The following RAPGEF1 variants were observed in gnomAD, a reference collection of about 807,000 sequenced individuals.
The protein encoded by RAPGEF1 is Rap guanine nucleotide exchange factor 1.
In RAPGEF1, 33 loss-of-function variants were observed where a neutral mutation model predicts 143.3. That is an observed-to-expected ratio of 0.23 (90% CI 0.17 to 0.31). RAPGEF1 has a LOEUF of 0.31. RAPGEF1 is among the 10% of genes least tolerant of loss of function. The pLI is 1.00. For missense variants in RAPGEF1, 1,199 were observed against 1,645.4 expected (o/e 0.73, Z 4.69); for synonymous variants, 629 against 676.5 (o/e 0.93, Z 1.09).
intron 1 of RAPGEF1, among the ~76,000 whole-genome samples, chr9:131,657,689 GC>G (rs1215283231): frequency 6.6e-6 from 1 of 152,142 alleles, no homozygotes; most frequent in Non-Finnish European, 1.5e-5. Context: ...TGTGTAAACA[GC>G]CCCTGGGGCT....
At chr9:131,615,551 C>A (rs756379461) in intron 12 of RAPGEF1, among the ~76,000 whole-genome samples, 2 of 152,166 alleles carry the variant, frequency 1.3e-5, no homozygotes, top group African/African-American at 4.8e-5. Flanking sequence ...AGCAAACAGT[C>A]GAGTCCAGGC....
rs1837009571 is a variant in RAPGEF1 at position 131,730,714 on chromosome 9, A to AAAAAAAAAAAAC, written c.61+9055_61+9056insGTTTTTTTTTTT. Among the ~76,000 whole-genome samples, 2 of 149,768 alleles carry AAAAAAAAAAAAC rather than the reference A, an allele frequency of 1.3e-5. 1 individual carries two copies. Among genetic ancestry groups the AAAAAAAAAAAAC allele is most frequent in the Non-Finnish European group, 3.0e-5 (2 of 67,442 alleles). On this transcript the variant is annotated intron_variant, in intron 1 of 26. Transcript: ENST00000683357. ...CTCCATCTCAAAAAAAAAAAAAAAA[A>AAAAAAAAAAAAC]AAAAGAAGAAGAACCAGCATTAGAA...
At position 131,621,916 on chromosome 9, in the gene RAPGEF1, G is replaced by C. The variant is rs754794549; in HGVS notation, c.1785C>G (p.Ile595Met). Residue 595 changes from isoleucine (I) to methionine (M), a missense_variant, in exon 11 of 27, where the codon ATC becomes ATG. This residue lies in a region of RAPGEF1 where 293 missense variants were observed against 356.2 expected (regional missense o/e 0.82). Coordinates refer to ENST00000683357, the MANE Select transcript of RAPGEF1 (RefSeq NM_001377935.1). The surrounding 1 kb of genome is among the most constrained non-coding windows in gnomAD (Gnocchi z 4.5). ...MFYQTPQNEHIYQQKNKLLME... is the reference protein window; with the variant it reads ...MFYQTPQNEHMYQQKNKLLME... ...TGAGGAGCTTGTTCTTCTGCTGGTA[G>C]ATGTGCTCGTTCTGTGGCGTCTGGT... 6.2e-7 allele frequency: 1 copy of C among 1,613,790 alleles called. No homozygotes were observed. Among genetic ancestry groups the C allele is most frequent in the East Asian group, 2.2e-5 (1 of 44,876 alleles).
At chr9:131,700,472 T>G (rs965378738) in intron 1 of RAPGEF1, among the ~76,000 whole-genome samples, 24 of 152,182 alleles carry the variant, frequency 1.6e-4, no homozygotes, top group Non-Finnish European at 2.9e-5. Context: ...ATATGTAAAC[T>G]AAAAACTCCA....
chr9:131,697,661 C>A (rs911022477), intron 1 of RAPGEF1, among the ~76,000 whole-genome samples: 4 of 152,208 alleles, frequency 2.6e-5, no homozygotes, highest in Admixed American at 2.0e-4. Context: ...GGAGATGGCT[C>A]AAAGTGTCCA....
chr9:131,621,183 C>G lies in RAPGEF1; in HGVS notation c.1905+613G>C. Reference sequence around the variant, plus strand: ...GGGGTGCCCACGGTGGAACAGCTTGCCTTCTGTGCTGGCCCGTGCTTCCTT... The same window carrying G: ...GGGGTGCCCACGGTGGAACAGCTTGGCTTCTGTGCTGGCCCGTGCTTCCTT... On this transcript the variant is annotated intron_variant, in intron 11 of 26. Transcript: ENST00000683357. This position sits in a 1 kb window ranked among gnomAD's most constrained non-coding sequence, Gnocchi z 4.5. Among the ~76,000 whole-genome samples, 1 of 152,260 alleles carries G rather than the reference C, an allele frequency of 6.6e-6. No individual in the cohort carries two copies. Among genetic ancestry groups the G allele is most frequent in the Non-Finnish European group, 1.5e-5 (1 of 68,044 alleles).
In RAPGEF1 at chr9:131,626,238, G is replaced by T; in HGVS notation, c.1386C>A (p.Ala462=). 6.2e-7 allele frequency: 1 copy of T among 1,613,964 alleles called. No homozygotes were observed. The highest frequency in any genetic ancestry group is 1.1e-5 in the South Asian group (1 of 91,084). The change falls in exon 10 of 27, where the codon GCC becomes GCA. Residue 462 remains alanine (A), a synonymous_variant. Coordinates refer to ENST00000683357, the MANE Select transcript of RAPGEF1 (RefSeq NM_001377935.1). ...GGHPQPDGPL[A]PGQQTDTPPA... is the part of the protein sequence containing the mutation. ...GTGGCGTATCTGTCTGCTGCCCTGG[G>T]GCCAGAGGTCCGTCTGGCTGGGGAT...
At chr9:131,695,065 A>G (rs1001543141) in intron 1 of RAPGEF1, among the ~76,000 whole-genome samples, 1 of 148,228 alleles carries the variant, frequency 6.7e-6, no homozygotes, top group African/African-American at 2.5e-5. Flanking sequence ...TTGACTGTCT[A>G]TTGTGTATTT....
At chr9:131,734,251 C>A (rs1051805126) in intron 1 of RAPGEF1, among the ~76,000 whole-genome samples, 2 of 152,170 alleles carry the variant, frequency 1.3e-5, no homozygotes, top group Non-Finnish European at 2.9e-5. Context: ...CAGGGCATGA[C>A]CTTGGGCAAA....
At chr9:131,684,321 A>C (rs1386097346) in intron 1 of RAPGEF1, among the ~76,000 whole-genome samples, 1 of 152,216 alleles carries the variant, frequency 6.6e-6, no homozygotes, top group Non-Finnish European at 1.5e-5. Flanking sequence ...TGCCTGTGTT[A>C]AACATCACCT....
intron 1 of RAPGEF1, among the ~76,000 whole-genome samples, chr9:131,661,801 G>C (rs1184041232): frequency 6.6e-6 from 1 of 152,116 alleles, no homozygotes; most frequent in East Asian, 1.9e-4. Flanking sequence ...GACTATCTCA[G>C]GAAGAGCCTG....
At chr9:131,729,208 G>T (rs1038709907) in intron 1 of RAPGEF1, among the ~76,000 whole-genome samples, 4 of 152,190 alleles carry the variant, frequency 2.6e-5, no homozygotes, top group African/African-American at 7.2e-5. Flanking sequence ...GAGGGTGTGA[G>T]AGCCAAGATC....
chr9:131,739,728 C>A, intron 1 of RAPGEF1, 42 bp downstream of exon 1: 1 of 1,090,754 alleles, frequency 9.2e-7, no homozygotes, highest in Non-Finnish European at 1.1e-6. Context: ...AGCCCCAGGG[C>A]CGGGCCCGGC....
chr9:131,624,440 G>GT (rs1962303458), intron 10 of RAPGEF1, among the ~76,000 whole-genome samples: 2 of 152,224 alleles, frequency 1.3e-5, no homozygotes, highest in South Asian at 2.1e-4. Flanking sequence ...ACTTGAGACT[G>GT]TTTGAAAGGA....
intron 12 of RAPGEF1, among the ~76,000 whole-genome samples, chr9:131,611,351 T>G (rs776019499): frequency 6.6e-6 from 1 of 152,186 alleles, no homozygotes; most frequent in African/African-American, 2.4e-5. Context: ...AAAAACCACC[T>G]GAATATCCTA....
At chr9:131,642,415 G>A (rs1256137189) in intron 4 of RAPGEF1, among the ~76,000 whole-genome samples, 1 of 152,228 alleles carries the variant, frequency 6.6e-6, no homozygotes, top group African/African-American at 2.4e-5. Context: ...GCCAGAGACA[G>A]AAACTTACAG....
chr9:131,640,593 C>G (rs976152773), intron 4 of RAPGEF1, among the ~76,000 whole-genome samples: 1 of 142,904 alleles, frequency 7.0e-6, no homozygotes, highest in East Asian at 2.0e-4. Context: ...CCGCATGTGA[C>G]GAGTGTGACT....
At chr9:131,618,397 C>T (rs1032416706) in intron 12 of RAPGEF1, among the ~76,000 whole-genome samples, 1 of 152,218 alleles carries the variant, frequency 6.6e-6, no homozygotes, top group Non-Finnish European at 1.5e-5. Context: ...ACCCCCTGTC[C>T]TAAGCAGTGA....
chr9:131,635,022 C>G (rs142636495), intron 5 of RAPGEF1, among the ~76,000 whole-genome samples: 1 of 152,002 alleles, frequency 6.6e-6, no homozygotes, highest in Non-Finnish European at 1.5e-5. Flanking sequence ...TACAGGCTCC[C>G]GGTGGAAAAG....
Sources: allele counts gnomAD v4.1 joint callset (sites outside exome capture counted in the v4.1 genomes callset), GRCh38; gene constraint gnomAD v4.1.1; regional missense constraint gnomAD v4.1.1; non-coding constraint Gnocchi (gnomAD v3.1); transcripts MANE v1.5; gene names NCBI Gene and HGNC (gene_info 2026-07-23, HGNC 2026-07-21).